Variants in KCNB2 observed in about 807,000 individuals in gnomAD.
The protein encoded by KCNB2 is delayed rectifier potassium channel protein.
A neutral mutation model predicts 61.5 loss-of-function variants in KCNB2; 15 were observed. The ratio of observed to expected loss-of-function variants is 0.24; its 90% confidence interval spans 0.16 to 0.38. KCNB2 has a LOEUF of 0.38. Among genes scored for constraint, KCNB2 ranks in the 10% least tolerant of loss-of-function variants. KCNB2 has a pLI of 1.00. For missense variants in KCNB2, 828 were observed against 1,125.2 expected, an observed-to-expected ratio of 0.74 and a Z score of 3.78; for synonymous variants, 457 against 446.0, an observed-to-expected ratio of 1.02 and a Z score of -0.31.
chr8:72,898,766 G>A (rs13260118), intron 2 of KCNB2, among the ~76,000 whole-genome samples: 28,703 of 152,074 alleles, frequency 0.19, 2,918 homozygotes, highest in Non-Finnish European at 0.23. Context: ...CATCATCCAG[G>A]TAGTGAACAT....
At chr8:72,694,509 T>A (rs557229449) in intron 2 of KCNB2, among the ~76,000 whole-genome samples, 10 of 152,310 alleles carry the variant, frequency 6.6e-5, no homozygotes, top group Non-Finnish European at 1.2e-4. Flanking sequence ...ACAATTTTTT[T>A]AAATGTGTAT....
At chr8:72,644,116 A>T (rs985978560) in intron 2 of KCNB2, among the ~76,000 whole-genome samples, 1 of 152,132 alleles carries the variant, frequency 6.6e-6, no homozygotes, top group Admixed American at 6.6e-5. Flanking sequence ...ATGTTCTTTG[A>T]AAGAGAGTTT....
intron 2 of KCNB2, among the ~76,000 whole-genome samples, chr8:72,834,977 AG>A (rs1172923705): frequency 6.6e-6 from 1 of 152,210 alleles, no homozygotes; most frequent in African/African-American, 2.4e-5. Context: ...GGAAGGGGAT[AG>A]GGTGATTCCT....
rs1033774125 is a variant in KCNB2, at chr8:72,568,180, A to G, written c.446A>G (p.Asn149Ser). 1 of 1,614,126 alleles carries G rather than the reference A, an allele frequency of 6.2e-7. No homozygotes were observed. The highest frequency in any genetic ancestry group is 1.3e-5 in the African/African-American group (1 of 74,998). ...TATCATCAAAAAAAAGAACAAATGAACGAAGAACTGAGGCGAGAGGCAGAG... is the reference window on the plus strand; with the variant it reads ...TATCATCAAAAAAAAGAACAAATGAGCGAAGAACTGAGGCGAGAGGCAGAG... ...ARYHQKKEQM[N>S]EELRREAETM... is the part of the protein sequence containing the mutation. Residue 149 changes from asparagine to serine, a missense_variant, in exon 2 of 3, where the codon AAC (asparagine) becomes AGC (serine). Physicochemically the swap from Asn to Ser is conservative, Grantham distance 46. Transcript: ENST00000523207.
intron 2 of KCNB2, among the ~76,000 whole-genome samples, chr8:72,575,251 C>T (rs1806777088): frequency 6.8e-6 from 1 of 147,552 alleles, no homozygotes; most frequent in Admixed American, 6.8e-5. Flanking sequence ...TCCCCCACCC[C>T]CGCCCCAGCA....
At chr8:72,844,404 T>A (rs921796041) in intron 2 of KCNB2, among the ~76,000 whole-genome samples, 1 of 152,166 alleles carries the variant, frequency 6.6e-6, no homozygotes, top group Admixed American at 6.5e-5. Context: ...GTGAATCTGA[T>A]GATTATGTGT....
At chr8:72,807,218 G>A (rs747689994) in intron 2 of KCNB2, among the ~76,000 whole-genome samples, 12 of 152,158 alleles carry the variant, frequency 7.9e-5, no homozygotes, top group East Asian at 1.9e-4. Flanking sequence ...TTCACAGCAC[G>A]CAGCCATGTA....
In KCNB2 at chr8:72,573,071, G is replaced by A. The variant is rs145951179; in HGVS notation, c.579+4758G>A. Among the ~76,000 whole-genome samples, 88 of 152,222 alleles carry A rather than the reference G, an allele frequency of 5.8e-4. 1 individual carries two copies. Among genetic ancestry groups the A allele is most frequent in the African/African-American group, 2.0e-3 (84 of 41,576 alleles). On this transcript the variant is annotated intron_variant, in intron 2 of 2. Coordinates refer to ENST00000523207, the MANE Select transcript of KCNB2 (RefSeq NM_004770.3). ...CAAATTATGAGTTTCTTAGATGCTG[G>A]TACCTGTTTGGTTGCCCTGTTGATA...
intron 2 of KCNB2, among the ~76,000 whole-genome samples, chr8:72,909,360 C>A (rs2129007270): frequency 6.6e-6 from 1 of 152,148 alleles, no homozygotes; most frequent in African/African-American, 2.4e-5. Context: ...AACTCACAGA[C>A]AAGAGAGAAC....
intron 2 of KCNB2, among the ~76,000 whole-genome samples, chr8:72,582,634 A>C (rs1806922382): frequency 6.6e-6 from 1 of 152,200 alleles, no homozygotes; most frequent in African/African-American, 2.4e-5. Flanking sequence ...GATTTTAGAG[A>C]CAAGATCTTG....
At chr8:72,589,999 AGT>A (rs1787418372) in intron 2 of KCNB2, among the ~76,000 whole-genome samples, 1 of 152,182 alleles carries the variant, frequency 6.6e-6, no homozygotes, top group Non-Finnish European at 1.5e-5. Flanking sequence ...TGATTTTTAC[AGT>A]GTATGTGTAG....
chr8:72,762,733 A>G (rs990121091), intron 2 of KCNB2, among the ~76,000 whole-genome samples: 4 of 152,054 alleles, frequency 2.6e-5, no homozygotes, highest in Admixed American at 6.6e-5. Context: ...GTTAGCTCTT[A>G]TTATTCTGTG....
At chr8:72,777,768 A>G (rs1406148753) in intron 2 of KCNB2, among the ~76,000 whole-genome samples, 1 of 152,232 alleles carries the variant, frequency 6.6e-6, no homozygotes, top group East Asian at 1.9e-4. Context: ...GTAGTATAAT[A>G]CAGGACATTC....
intron 1 of KCNB2, among the ~76,000 whole-genome samples, chr8:72,542,142 GA>G (rs1451051742): frequency 2.6e-5 from 4 of 152,030 alleles, no homozygotes; most frequent in Non-Finnish European, 5.9e-5. Context: ...TATATTTGAA[GA>G]AAAGTTTTTT....
chr8:72,860,014 C>T (rs1006060389), intron 2 of KCNB2, among the ~76,000 whole-genome samples: 1 of 151,870 alleles, frequency 6.6e-6, no homozygotes, highest in Non-Finnish European at 1.5e-5. Flanking sequence ...CCACTGTGCC[C>T]GGCCTTCATT....
At chr8:72,741,025 C>T (rs145979052) in intron 2 of KCNB2, among the ~76,000 whole-genome samples, 7 of 152,186 alleles carry the variant, frequency 4.6e-5, no homozygotes, top group South Asian at 2.1e-4. Flanking sequence ...ACTGAAATAC[C>T]GAAATACTGT....
intron 2 of KCNB2, among the ~76,000 whole-genome samples, chr8:72,724,300 T>A (rs1157077962): frequency 6.6e-6 from 1 of 152,230 alleles, no homozygotes; most frequent in Non-Finnish European, 1.5e-5. Flanking sequence ...AATATTTCAA[T>A]GCCAGTTGTA....
chr8:72,793,533 TC>T (rs1808979232), intron 2 of KCNB2, among the ~76,000 whole-genome samples: 1 of 152,106 alleles, frequency 6.6e-6, no homozygotes, highest in South Asian at 2.1e-4. Flanking sequence ...AGTCAACCAG[TC>T]ATGTAGGCAA....
At chr8:72,597,479 A>G (rs1159992322) in intron 2 of KCNB2, among the ~76,000 whole-genome samples, 1 of 152,222 alleles carries the variant, frequency 6.6e-6, no homozygotes, top group East Asian at 1.9e-4. Context: ...GAACCATAAG[A>G]AAGTTTCATG....
Sources: gnomAD v4.1 joint callset for allele counts (sites outside exome capture counted in the v4.1 genomes callset) on GRCh38, gnomAD v4.1.1 for gene constraint, MANE v1.5 for transcripts, NCBI Gene and HGNC (gene_info 2026-07-23, HGNC 2026-07-21) for gene names.